SVOP: variants seen among roughly 807,000 people sequenced by gnomAD.
SVOP encodes the protein SV2 related protein, also known as synaptic vesicle 2-related protein.
SVOP carries 17 observed loss-of-function variants against 69.1 expected under a neutral mutation model. The observed-to-expected ratio is 0.25, with a 90% CI of 0.17 to 0.37. The LOEUF (loss-of-function observed/expected upper bound fraction) is 0.37, where lower values mean the gene tolerates loss of function less well. Ranked by LOEUF, SVOP falls within the 10% of genes least tolerant of loss-of-function variation. SVOP has a pLI of 1.00. For synonymous variants in SVOP, 238 were observed against 238.6 expected (o/e 1.00, Z 0.02); for missense variants, 435 against 597.5 (o/e 0.73, Z 2.84).
chr12:109,018,254 C>T (rs1482846992), intron 1 of SVOP, among the ~76,000 whole-genome samples: 1 of 152,212 alleles, frequency 6.6e-6, no homozygotes, highest in Non-Finnish European at 1.5e-5. Flanking sequence ...AACTCTCAGC[C>T]TCCCAAATCT....
chr12:108,952,092 C>T (rs1267658362), intron 6 of SVOP, among the ~76,000 whole-genome samples: 2 of 152,234 alleles, frequency 1.3e-5, no homozygotes, highest in Non-Finnish European at 2.9e-5. Context: ...GAGCAAGTCC[C>T]ATGGAGTCTA....
intron 1 of SVOP, among the ~76,000 whole-genome samples, chr12:109,001,796 AC>A (rs1437117286): frequency 6.6e-6 from 1 of 151,946 alleles, no homozygotes; most frequent in Non-Finnish European, 1.5e-5. Context: ...TACACCTTAT[AC>A]AAAAATCAAT....
intron 11 of SVOP, 30 bp downstream of exon 11, chr12:108,934,165 T>C (rs372023807): frequency 6.3e-7 from 1 of 1,576,490 alleles, no homozygotes; most frequent in South Asian, 1.2e-5. Context: ...GTGGGAGTAG[T>C]TAGCTGGCAA....
chr12:108,969,299 T>TC (rs1210967711), intron 5 of SVOP, among the ~76,000 whole-genome samples: 4 of 148,026 alleles, frequency 2.7e-5, no homozygotes, highest in Non-Finnish European at 4.5e-5. Flanking sequence ...TCACTCTCTC[T>TC]CCCTACCTCC....
chr12:108,958,343 G>A (rs2039997202), intron 6 of SVOP, among the ~76,000 whole-genome samples: 2 of 151,236 alleles, frequency 1.3e-5, no homozygotes, highest in Non-Finnish European at 2.9e-5. Context: ...TCTACTGTAG[G>A]TTTTCTATGT....
intron 1 of SVOP, among the ~76,000 whole-genome samples, chr12:109,019,326 C>A (rs2040383922): frequency 6.6e-6 from 1 of 151,972 alleles, no homozygotes; most frequent in South Asian, 2.1e-4. Flanking sequence ...ATGATAATGT[C>A]AGGTCTATAT....
At chr12:108,964,453 C>T (rs2040033959) in intron 5 of SVOP, among the ~76,000 whole-genome samples, 1 of 151,770 alleles carries the variant, frequency 6.6e-6, no homozygotes, top group Non-Finnish European at 1.5e-5. Context: ...TTGGCATCAG[C>T]GGGAGAAAAG....
At chr12:108,977,263 G>T in intron 4 of SVOP, 135 bp downstream of exon 4, 1 of 1,077,360 alleles carries the variant, frequency 9.3e-7, no homozygotes, top group Non-Finnish European at 1.3e-6. Flanking sequence ...TGTGAGGTGG[G>T]GATGGGACAG....
intron 6 of SVOP, among the ~76,000 whole-genome samples, chr12:108,957,202 C>T (rs769880803): frequency 4.6e-5 from 7 of 152,100 alleles, no homozygotes; most frequent in Non-Finnish European, 7.4e-5. Context: ...CTTGCTCTGT[C>T]GCCGAGGCTG....
At chr12:108,948,343 G>T (rs1160632980) in intron 6 of SVOP, among the ~76,000 whole-genome samples, 1 of 152,136 alleles carries the variant, frequency 6.6e-6, no homozygotes, top group African/African-American at 2.4e-5. Context: ...CAATCAATGG[G>T]TTTCCTTACA....
At chr12:109,004,638 G>C (rs2040293963) in intron 1 of SVOP, among the ~76,000 whole-genome samples, 2 of 150,838 alleles carry the variant, frequency 1.3e-5, no homozygotes, top group Non-Finnish European at 3.0e-5. Flanking sequence ...AAACTCCTGA[G>C]CTCAAGTGAT....
chr12:108,934,098 C>T, intron 11 of SVOP, 97 bp downstream of exon 11: 5 of 1,068,056 alleles, frequency 4.7e-6, no homozygotes, highest in East Asian at 2.6e-5. Context: ...AAGGCCAATC[C>T]CTTAAGGGCA....
intron 1 of SVOP, among the ~76,000 whole-genome samples, chr12:108,987,654 G>T (rs1003269005): frequency 6.6e-6 from 1 of 152,076 alleles, no homozygotes; most frequent in Admixed American, 6.5e-5. Flanking sequence ...GTGTGAGATG[G>T]TATCTCATTG....
At chr12:108,975,279 T>A (rs2040100379) in intron 4 of SVOP, among the ~76,000 whole-genome samples, 1 of 152,214 alleles carries the variant, frequency 6.6e-6, no homozygotes, top group Non-Finnish European at 1.5e-5. Context: ...AAAATGTGCA[T>A]CTGTAATATC....
At chr12:108,972,727 C>T (rs777706334) in intron 4 of SVOP, among the ~76,000 whole-genome samples, 1 of 152,190 alleles carries the variant, frequency 6.6e-6, no homozygotes, top group Admixed American at 6.5e-5. Flanking sequence ...AATTGCAGGA[C>T]CAGCGTCACA....
intron 6 of SVOP, among the ~76,000 whole-genome samples, chr12:108,957,728 C>A (rs2039993829): frequency 6.6e-6 from 1 of 152,220 alleles, no homozygotes; most frequent in African/African-American, 2.4e-5. Context: ...GCATGGCGAC[C>A]AGGGACTCGA....
chr12:108,922,441 AC>A (rs1487055841), intron 12 of SVOP, among the ~76,000 whole-genome samples: 2 of 152,100 alleles, frequency 1.3e-5, no homozygotes, highest in Admixed American at 6.5e-5. Flanking sequence ...TTTGTCTCTG[AC>A]CCAGGAGTCT....
rs536939642 is a variant in SVOP, at chr12:108,963,155, G to A, written c.454-2108C>T. ...AACCTGCTCTGTGAGGTCTGGTCAG[G>A]CCTCTTTCTGCAATACCCTTCCCAG... On this transcript the variant is annotated intron_variant, in intron 5 of 15. Transcript: ENST00000610966. Among the ~76,000 whole-genome samples, 5 of 152,182 alleles carry A rather than the reference G, an allele frequency of 3.3e-5. No individual in the cohort carries two copies. In the South Asian group the frequency reaches 1.0e-3, roughly 32 times the overall value.
In SVOP at chr12:108,919,701, G is replaced by A. The variant is rs1322793172; in HGVS notation, c.1242C>T (p.Ser414=). ...TTCCAACACAGATAAACAGCAGGAG[G>A]CTGCAGAAGGAGAAGATGACAAAGC... The part of the protein sequence containing the change: ...ALCFVIFSFC[S]LLLFICVGRN... Residue 414 remains serine, a synonymous_variant, in exon 13 of 16, where the codon AGC becomes AGT. Coordinates refer to ENST00000610966, the MANE Select transcript of SVOP (RefSeq NM_018711.5). The A allele has an allele frequency of 1.2e-6, 2 of 1,606,612 alleles. No homozygotes were observed. The highest frequency in any genetic ancestry group is 1.1e-5 in the South Asian group (1 of 89,586).
Sources: gnomAD v4.1 joint callset for allele counts (sites outside exome capture counted in the v4.1 genomes callset) on GRCh38, gnomAD v4.1.1 for gene constraint, MANE v1.5 for transcripts, NCBI Gene and HGNC (gene_info 2026-07-23, HGNC 2026-07-21) for gene names.